CSRNP3: variants seen among roughly 807,000 people sequenced by gnomAD.
The protein encoded by CSRNP3 is cysteine/serine-rich nuclear protein 3.
A neutral mutation model predicts 48.0 loss-of-function variants in CSRNP3; 12 were observed. The observed-to-expected ratio is 0.25, with a 90% confidence interval of 0.16 to 0.41. The LOEUF is 0.41. CSRNP3 is among the 10% of genes least tolerant of loss of function. The pLI is 1.00. For synonymous variants in CSRNP3, 263 were observed against 269.7 expected (o/e 0.98, Z 0.24); for missense variants, 580 against 724.4 (o/e 0.80, Z 2.29).
chr2:165,602,362 T>G (rs1196396260), intron 4 of CSRNP3, among the ~76,000 whole-genome samples: 1 of 152,192 alleles, frequency 6.6e-6, no homozygotes, highest in Non-Finnish European at 1.5e-5. Context: ...TCCCAGACTC[T>G]TCACACCCAC....
intron 4 of CSRNP3, among the ~76,000 whole-genome samples, chr2:165,625,305 T>C (rs934261765): frequency 6.6e-6 from 1 of 151,834 alleles, no homozygotes; most frequent in African/African-American, 2.4e-5. Flanking sequence ...GTAACAAATA[T>C]ACATAACATG....
intron 3 of CSRNP3, among the ~76,000 whole-genome samples, chr2:165,569,005 C>T (rs909211946): frequency 6.6e-6 from 1 of 152,024 alleles, no homozygotes. Flanking sequence ...TTAATACTTT[C>T]ACATAACATG....
intron 3 of CSRNP3, among the ~76,000 whole-genome samples, chr2:165,588,798 T>A (rs1265301410): frequency 1.3e-5 from 2 of 151,864 alleles, no homozygotes; most frequent in African/African-American, 2.4e-5. Context: ...CTACAAAAAA[T>A]TTTTTGAAAA....
chr2:165,573,977 T>A (rs1685409332), intron 3 of CSRNP3: 1 of 172,816 alleles, frequency 5.8e-6, no homozygotes. Context: ...ACAGCTTCTC[T>A]TGGTGGGGAG....
chr2:165,572,013 A>G (rs555107264), intron 3 of CSRNP3, among the ~76,000 whole-genome samples: 1 of 152,294 alleles, frequency 6.6e-6, no homozygotes, highest in South Asian at 2.1e-4. Context: ...CTTTAATAAC[A>G]TTTGTACAAA....
At chr2:165,582,004 A>G (rs776359295) in intron 3 of CSRNP3, among the ~76,000 whole-genome samples, 5 of 152,202 alleles carry the variant, frequency 3.3e-5, no homozygotes, top group Non-Finnish European at 7.3e-5. Context: ...GTGTTTTATA[A>G]TCAAGTTTGA....
At chr2:165,672,940 TGAG>T (rs1349195644) in intron 5 of CSRNP3, among the ~76,000 whole-genome samples, 4 of 151,748 alleles carry the variant, frequency 2.6e-5, no homozygotes, top group Non-Finnish European at 4.4e-5. Context: ...CCAGAAACTG[TGAG>T]GAGGAGAGGA....
intron 4 of CSRNP3, among the ~76,000 whole-genome samples, chr2:165,597,724 A>C (rs1685835944): frequency 6.6e-6 from 1 of 152,180 alleles, no homozygotes; most frequent in Non-Finnish European, 1.5e-5. Context: ...AGTACATGTA[A>C]TTTCTTGAGA....
chr2:165,535,099 A>C (rs1053211403), intron 3 of CSRNP3, among the ~76,000 whole-genome samples: 2 of 151,812 alleles, frequency 1.3e-5, no homozygotes, highest in African/African-American at 2.4e-5. Flanking sequence ...CTTGTTAGTT[A>C]TGTTTACCAG....
intron 5 of CSRNP3, among the ~76,000 whole-genome samples, chr2:165,663,164 TGATA>T (rs1687124826): frequency 6.6e-6 from 1 of 152,232 alleles, no homozygotes; most frequent in South Asian, 2.1e-4. Flanking sequence ...TTAAATGCCC[TGATA>T]GATAGAAGAG....
intron 3 of CSRNP3, chr2:165,574,223 C>T (rs1685413471): frequency 1.6e-6 from 1 of 619,608 alleles, no homozygotes; most frequent in Admixed American, 3.0e-5. Context: ...ATGAGACCAG[C>T]TCGGAGGCTT....
chr2:165,514,287 G>C (rs969574084), intron 2 of CSRNP3, among the ~76,000 whole-genome samples: 2 of 152,222 alleles, frequency 1.3e-5, no homozygotes, highest in Admixed American at 6.5e-5. Context: ...TGAAAAGGCA[G>C]TGTTGAGGCT....
Position 165,494,744 on chromosome 2 carries a change from C to G in CSRNP3, c.-282-15C>G, listed in dbSNP as rs562832103. 1 of 193,652 alleles carries G rather than the reference C, an allele frequency of 5.2e-6. No homozygotes were observed. The highest frequency in any genetic ancestry group is 1.4e-4 in the South Asian group (1 of 7,186). 12.0% of individuals were successfully genotyped at this position (193,652 alleles called of 1,614,324 possible). On this transcript the variant is annotated splice_polypyrimidine_tract_variant and intron_variant, in intron 1 of 6. Coordinates refer to ENST00000651982, the MANE Select transcript of CSRNP3 (RefSeq NM_001172173.2). Reference sequence around the variant, plus strand: ...CAAATATTTCAATGCTTCATTGCTCCTGTTCCTGTTACAGGTACATGTGAC... The same window carrying G: ...CAAATATTTCAATGCTTCATTGCTCGTGTTCCTGTTACAGGTACATGTGAC...
chr2:165,676,026 T>C (rs1687416573), intron 5 of CSRNP3, among the ~76,000 whole-genome samples: 1 of 152,208 alleles, frequency 6.6e-6, no homozygotes, highest in Admixed American at 6.5e-5. Context: ...TTGGTGTTTT[T>C]CACATAGCAC....
At chr2:165,671,481 A>G (rs1443824561) in intron 5 of CSRNP3, among the ~76,000 whole-genome samples, 1 of 152,202 alleles carries the variant, frequency 6.6e-6, no homozygotes, top group Admixed American at 6.5e-5. Context: ...CTCTGAAGCC[A>G]TGCCCCGAGC....
intron 2 of CSRNP3, among the ~76,000 whole-genome samples, chr2:165,509,536 G>A (rs1684472072): frequency 6.6e-6 from 1 of 152,164 alleles, no homozygotes; most frequent in South Asian, 2.1e-4. Context: ...AGGCAATGCT[G>A]ATTGTTTGGC....
intron 4 of CSRNP3, among the ~76,000 whole-genome samples, chr2:165,648,651 T>A (rs993362225): frequency 2.6e-5 from 4 of 152,130 alleles, no homozygotes; most frequent in African/African-American, 9.7e-5. Flanking sequence ...TTTGTTGTTG[T>A]TTTTTGTAGA....
chr2:165,630,852 A>G (rs555449671), intron 4 of CSRNP3, among the ~76,000 whole-genome samples: 3 of 152,328 alleles, frequency 2.0e-5, no homozygotes, highest in Admixed American at 1.3e-4. Context: ...GCAAAAGTCT[A>G]TTGCCTTCAT....
chr2:165,550,330 T>A, intron 3 of CSRNP3, among the ~76,000 whole-genome samples: 1 of 152,208 alleles, frequency 6.6e-6, no homozygotes, highest in East Asian at 1.9e-4. Flanking sequence ...TGTCAATGTA[T>A]CAGTGAGCCT....
Sources: gnomAD v4.1 joint callset for allele counts (sites outside exome capture counted in the v4.1 genomes callset) on GRCh38, gnomAD v4.1.1 for gene constraint, MANE v1.5 for transcripts, NCBI Gene and HGNC (gene_info 2026-07-23, HGNC 2026-07-21) for gene names.